Variants in NPAP1 observed in about 807,000 individuals in gnomAD.
NPAP1 encodes nuclear pore-associated protein 1.
For synonymous variants in NPAP1, 616 were observed against 581.4 expected, an observed-to-expected ratio of 1.06 and a Z score of -0.86; for missense variants, 1,483 against 1,454.5, an observed-to-expected ratio of 1.02 and a Z score of -0.32.
rs2141310365 is a variant in NPAP1, at chr15:24,677,443, C to T, written c.1576C>T (p.Pro526Ser). Residue 526 changes from proline (P) to serine (S), a missense_variant, in exon 1 of 1, where the codon CCT becomes TCT. Transcript: ENST00000329468. ...PISMCVDSPP[P>S]LSFLTLLPVP... ...ATCTATGTGTGTGGATTCCCCTCCT[C>T]CTCTTTCCTTCCTGACTCTTCTTCC... is the stretch of plus-strand genomic sequence containing the variant. The T allele has an allele frequency of 6.2e-7, 1 of 1,614,156 alleles. No individual in the cohort carries two copies. The highest frequency in any genetic ancestry group is 8.5e-7 in the Non-Finnish European group (1 of 1,180,042).
In NPAP1 at chr15:24,677,135, C is replaced by G. The variant is rs773681865; in HGVS notation, c.1268C>G (p.Pro423Arg). 5 of 1,614,004 alleles carry G rather than the reference C, an allele frequency of 3.1e-6. No individual in the cohort carries two copies. The African/African-American group carries it at 6.7e-5, about 22-fold the overall frequency. ...ACTTACACTTCCCAGGTCTCAGCTC[C>G]TTTGCCCATCCCTGACTTGGCTGAC... The part of the protein sequence containing the change: ...LTTYTSQVSA[P>R]LPIPDLADLA... The change falls in exon 1 of 1, where the codon CCT becomes CGT. Residue 423 changes from proline (P) to arginine (R), a missense_variant. Transcript: ENST00000329468.
rs2141308513 is a variant in NPAP1 at position 24,676,668 on chromosome 15, T to C, written c.801T>C (p.Val267=). 1.9e-6 allele frequency: 3 copies of C among 1,614,032 alleles called. No homozygotes were observed. Among genetic ancestry groups the C allele is most frequent in the Non-Finnish European group, 2.5e-6 (3 of 1,180,040 alleles). ...PDATAPPEPA[V]GCSLLQQKLA... ...CAACAGCGCCCCCTGAGCCAGCCGT[T>C]GGCTGCTCCCTGCTGCAGCAGAAGT... Residue 267 remains valine, a synonymous_variant, in exon 1 of 1, where the codon GTT becomes GTC. Transcript: ENST00000329468.
rs1360581800 is a variant in NPAP1, at chr15:24,681,517, G to T, written c.*2179G>T. 6.0e-6 allele frequency: 1 copy of T among 166,852 alleles called. No homozygotes were observed. The highest frequency in any genetic ancestry group is 1.5e-5 in the Non-Finnish European group (1 of 68,104). The allele number at this position is 166,852 out of a possible 1,614,324, so 10.3% of individuals were successfully genotyped here. A position where few individuals can be genotyped will look rare whatever the true frequency, so the allele number is the denominator to read the frequency against. On this transcript the variant is annotated 3_prime_UTR_variant, in exon 1 of 1. Coordinates refer to ENST00000329468, the MANE Select transcript of NPAP1 (RefSeq NM_018958.3). ...TTTGGGGAGGTGATTAGGTTTAGAT[G>T]AAGTCATGAAAATGAAACCCCCATG...
rs2141306820 is a variant in NPAP1 at position 24,675,873 on chromosome 15, C to A, written c.6C>A (p.Gly2=). Residue 2 remains glycine, a synonymous_variant, in exon 1 of 1, where the codon GGC becomes GGA. Transcript: ENST00000329468. ...GGAGGCACGGCTAGCTCTAAATGGG[C>A]AATTTACTTAGTAAATTTAGACCCG... M[G]NLLSKFRPGC... is the part of the protein sequence containing the mutation. The A allele has an allele frequency of 1.3e-6, 2 of 1,557,514 alleles. No individual in the cohort carries two copies.
At position 24,675,935 on chromosome 15, in the gene NPAP1, G is replaced by A. The variant is rs2141306910; in HGVS notation, c.68G>A (p.Gly23Asp). The A allele has an allele frequency of 6.3e-7, 1 of 1,585,220 alleles. No homozygotes were observed. Among genetic ancestry groups the A allele is most frequent in the Non-Finnish European group, 8.6e-7 (1 of 1,168,212 alleles). The part of the protein sequence containing the change: ...RRRPLPGPGR[G>D]APAPLSRDAS... The stretch of plus-strand genomic sequence containing the variant: ...CGGCCCCTGCCAGGGCCAGGGCGTG[G>A]CGCCCCCGCTCCCCTGTCCCGGGAC... The change falls in exon 1 of 1, where the codon GGC becomes GAC. Residue 23 changes from glycine to aspartate, a missense_variant. Physicochemically the swap from Gly to Asp is moderately conservative, Grantham distance 94 (BLOSUM62 -1). Coordinates refer to ENST00000329468, the MANE Select transcript of NPAP1 (RefSeq NM_018958.3).
At position 24,679,005 on chromosome 15, in the gene NPAP1, C is replaced by T. The variant is rs746563493; in HGVS notation, c.3138C>T (p.Pro1046=). The T allele has an allele frequency of 1.9e-6, 3 of 1,614,164 alleles. No homozygotes were observed. The highest frequency in any genetic ancestry group is 1.1e-5 in the South Asian group (1 of 91,078). ...TTGGACAAGGACAGAGTGGGACACC[C>T]AGCACCACTTCTGTTTTCCCATTTG... ...LNIGQGQSGT[P]STTSVFPFGQ... is the part of the protein sequence containing the mutation. Residue 1046 remains proline (P), a synonymous_variant, in exon 1 of 1, where the codon CCC becomes CCT. Coordinates refer to ENST00000329468, the MANE Select transcript of NPAP1 (RefSeq NM_018958.3).
Position 24,678,268 on chromosome 15 carries a change from C to T in NPAP1, c.2401C>T (p.Pro801Ser), listed in dbSNP as rs1189979812. Residue 801 changes from proline to serine, a missense_variant, in exon 1 of 1, where the codon CCA becomes TCA. Physicochemically the swap from Pro to Ser is moderately conservative, Grantham distance 74. Transcript: ENST00000329468. ...CCTGAGCCTTCCTATCATGGTTCCTCCAGACACCTCCACTTTAGTGAGCAG... is the reference window on the plus strand; with the variant it reads ...CCTGAGCCTTCCTATCATGGTTCCTTCAGACACCTCCACTTTAGTGAGCAG... ...DFLSLPIMVP[P>S]DTSTLVSSAS... 6.2e-7 allele frequency: 1 copy of T among 1,613,716 alleles called. No homozygotes were observed. Among genetic ancestry groups the T allele is most frequent in the Non-Finnish European group, 8.5e-7 (1 of 1,179,876 alleles).
rs534698147 is a variant in NPAP1, at chr15:24,676,433, C to A, written c.566C>A (p.Ser189Tyr). The change falls in exon 1 of 1, where the codon TCC (serine) becomes TAC (tyrosine). Residue 189 changes from serine to tyrosine, a missense_variant. Coordinates refer to ENST00000329468, the MANE Select transcript of NPAP1 (RefSeq NM_018958.3). ...AGCAGCGGAGAAGCATCGTCCACATCCAGGTCCCAGGGCACCCAGGGAGAC... is the reference window on the plus strand; with the variant it reads ...AGCAGCGGAGAAGCATCGTCCACATACAGGTCCCAGGGCACCCAGGGAGAC... ...PLSSGEASST[S>Y]RSQGTQGDVA... 6.2e-7 allele frequency: 1 copy of A among 1,611,272 alleles called. No homozygotes were observed. Among genetic ancestry groups the A allele is most frequent in the African/African-American group, 1.3e-5 (1 of 74,850 alleles).
rs1357701196 is a variant in NPAP1 at position 24,679,688 on chromosome 15, T to A, written c.*350T>A. On this transcript the variant is annotated 3_prime_UTR_variant, in exon 1 of 1. Transcript: ENST00000329468. Reference sequence around the variant, plus strand: ...TCCAGGAGTGTCAACATTCATTTGATAGAAGGCCCTCATGTGCCCATGTAT... The same window carrying A: ...TCCAGGAGTGTCAACATTCATTTGAAAGAAGGCCCTCATGTGCCCATGTAT... The A allele has an allele frequency of 1.5e-5, 4 of 262,892 alleles. No homozygotes were observed. Among genetic ancestry groups the A allele is most frequent in the Non-Finnish European group, 2.3e-5 (3 of 127,858 alleles). The allele number at this position is 262,892 out of a possible 1,614,324, so 16.3% of individuals were successfully genotyped here. A position where few individuals can be genotyped will look rare whatever the true frequency, so the allele number is the denominator to read the frequency against.
rs2048971326 is a variant in NPAP1, at chr15:24,675,901, T to TGCC, written c.42_44dup (p.Arg15dup). 1 of 1,577,806 alleles carries TGCC rather than the reference T, an allele frequency of 6.3e-7. No homozygotes were observed. Among genetic ancestry groups the TGCC allele is most frequent in the African/African-American group, 1.4e-5 (1 of 72,092 alleles). ...TTTACTTAGTAAATTTAGACCCGGG[T>TGCC]GCCGCCGCCGGCCCCTGCCAGGGCC... is the stretch of plus-strand genomic sequence containing the variant. On this transcript the variant is annotated inframe_insertion, in exon 1 of 1. Transcript: ENST00000329468.
chr15:24,677,354 AC>A, the NPAP1 span: 3 of 1,612,314 alleles, frequency 1.9e-6, no homozygotes, highest in Non-Finnish European at 1.7e-6. Context: ...CTCACTTCTG[AC>A]CCCCCAACAC....
rs1239592117 is a variant in NPAP1 at position 24,678,159 on chromosome 15, A to G, written c.2292A>G (p.Leu764=). The G allele has an allele frequency of 6.2e-7, 1 of 1,605,568 alleles. No homozygotes were observed. The change falls in exon 1 of 1, where the codon TTA becomes TTG. Residue 764 remains leucine (L), a synonymous_variant. Transcript: ENST00000329468. ...RAPATASNHP[L]NPGATPQPKF... ...CAGCTACAGCTTCCAACCATCCTTT[A>G]AATCCAGGAGCCACCCCTCAACCCA...
At position 24,676,164 on chromosome 15, in the gene NPAP1, G is replaced by A. The variant is rs761609158; in HGVS notation, c.297G>A (p.Met99Ile). 1 of 1,578,444 alleles carries A rather than the reference G, an allele frequency of 6.3e-7. No individual in the cohort carries two copies. Among genetic ancestry groups the A allele is most frequent in the Non-Finnish European group, 8.6e-7 (1 of 1,164,584 alleles). ...GGCTGGCCATCAGGAAGACACCCAT[G>A]CTGCCTGCTCGGAACCCCCCGAGGT... ...GWGLAIRKTPMLPARNPPRFG... is the reference protein window; with the variant it reads ...GWGLAIRKTPILPARNPPRFG... The change falls in exon 1 of 1, where the codon ATG (methionine) becomes ATA (isoleucine). Residue 99 changes from methionine (M) to isoleucine (I), a missense_variant. Transcript: ENST00000329468.
In NPAP1 at chr15:24,683,338, A is replaced by G. The variant is rs1304489403; in HGVS notation, c.*4000A>G. The G allele has an allele frequency of 6.0e-6, 1 of 167,408 alleles. No individual in the cohort carries two copies. The highest frequency in any genetic ancestry group is 1.5e-5 in the Non-Finnish European group (1 of 68,214). 10.4% of individuals were successfully genotyped at this position (167,408 alleles called of 1,614,324 possible). A position where few individuals can be genotyped will look rare whatever the true frequency, so the allele number is the denominator to read the frequency against. ...TTTGTTCGGTGTACTCTTGTGGCAA[A>G]ACTGCTGGCAAGTGTACCCTTTCTG... On this transcript the variant is annotated 3_prime_UTR_variant, in exon 1 of 1. Coordinates refer to ENST00000329468, the MANE Select transcript of NPAP1 (RefSeq NM_018958.3).
chr15:24,677,598 T>C lies in NPAP1; in HGVS notation c.1731T>C (p.Asn577=), dbSNP rs1309697355. The C allele has an allele frequency of 6.2e-7, 1 of 1,614,188 alleles. No homozygotes were observed. The highest frequency in any genetic ancestry group is 1.1e-5 in the South Asian group (1 of 91,088). The change falls in exon 1 of 1, where the codon AAT becomes AAC. Residue 577 remains asparagine, a synonymous_variant. Transcript: ENST00000329468. ...SQTAVDPEVV[N]MDTTAPSQVV... ...CTGCGGTAGACCCTGAAGTAGTTAA[T>C]ATGGATACTACTGCCCCATCTCAGG...
chr15:24,675,834 C>G lies in NPAP1; in HGVS notation c.-34C>G, dbSNP rs762267737. ...GAGGAGAGTTGAGTCCACTGCTGAC[C>G]CTGTTTTACGGTAGGAGGCACGGCT... On this transcript the variant is annotated 5_prime_UTR_variant, in exon 1 of 1. Transcript: ENST00000329468. 2.2e-5 allele frequency: 31 copies of G among 1,418,030 alleles called. No individual in the cohort carries two copies. The South Asian group carries it at 4.3e-4, about 20-fold the overall frequency. 87.8% of individuals were successfully genotyped at this position (1,418,030 alleles called of 1,614,324 possible).
In NPAP1 at chr15:24,679,235, T is replaced by A. The variant is rs2141314409; in HGVS notation, c.3368T>A (p.Ile1123Asn). ...GPCVPAFQQC[I>N]LQHTWTERKF... Reference sequence around the variant, plus strand: ...TGTGTTCCTGCTTTTCAACAGTGCATCCTGCAGCACACATGGACAGAGAGA... The same window carrying A: ...TGTGTTCCTGCTTTTCAACAGTGCAACCTGCAGCACACATGGACAGAGAGA... Residue 1123 changes from isoleucine (I) to asparagine (N), a missense_variant, in exon 1 of 1, where the codon ATC (isoleucine) becomes AAC (asparagine). Coordinates refer to ENST00000329468, the MANE Select transcript of NPAP1 (RefSeq NM_018958.3). The A allele has an allele frequency of 1.2e-6, 2 of 1,613,980 alleles. No homozygotes were observed. The highest frequency in any genetic ancestry group is 1.7e-6 in the Non-Finnish European group (2 of 1,180,008).
In NPAP1 at chr15:24,682,820, A is replaced by G. The variant is rs1189961644; in HGVS notation, c.*3482A>G. 6.0e-6 allele frequency: 1 copy of G among 167,098 alleles called. No homozygotes were observed. Among genetic ancestry groups the G allele is most frequent in the Non-Finnish European group, 1.5e-5 (1 of 68,118 alleles). The allele number at this position is 167,098 out of a possible 1,614,324, so 10.4% of individuals were successfully genotyped here. A position where few individuals can be genotyped will look rare whatever the true frequency, so the allele number is the denominator to read the frequency against. On this transcript the variant is annotated 3_prime_UTR_variant, in exon 1 of 1. Transcript: ENST00000329468. Reference sequence around the variant, plus strand: ...TGACTGAATCCCTTCCTTTTCCAGAAACCTTGAGCCTCCTCCACTGGTTTG... The same window carrying G: ...TGACTGAATCCCTTCCTTTTCCAGAGACCTTGAGCCTCCTCCACTGGTTTG...
At position 24,676,891 on chromosome 15, in the gene NPAP1, C is replaced by T. The variant is rs2141309061; in HGVS notation, c.1024C>T (p.Leu342=). The stretch of plus-strand genomic sequence containing the variant: ...ATTGCTGCTGCCGCTGCCCCCTTCA[C>T]TGCCATTGCTGTGGGATCGAGGTGA... ...IPLLLPLPPS[L]PLLWDRGELP... is the part of the protein sequence containing the mutation. The change falls in exon 1 of 1, where the codon CTG becomes TTG. Residue 342 remains leucine (L), a synonymous_variant. Transcript: ENST00000329468. 1 of 1,613,672 alleles carries T rather than the reference C, an allele frequency of 6.2e-7. No individual in the cohort carries two copies. The highest frequency in any genetic ancestry group is 1.1e-5 in the South Asian group (1 of 91,088).
Sources: allele counts gnomAD v4.1 joint callset, GRCh38; gene constraint gnomAD v4.1.1; transcripts MANE v1.5; gene names NCBI Gene and HGNC (gene_info 2026-07-23, HGNC 2026-07-21).